Variants in DAB1 observed in about 807,000 individuals in gnomAD.
The protein encoded by DAB1 is DAB adaptor protein 1, also known as disabled homolog 1.
Under a neutral mutation model 64.6 loss-of-function variants are expected in DAB1, and 15 were observed. The ratio of observed to expected loss-of-function variants is 0.23; its 90% CI spans 0.16 to 0.36. DAB1 has a LOEUF of 0.36. Among genes scored for constraint, DAB1 ranks in the 10% least tolerant of loss-of-function variants. DAB1 has a pLI of 1.00. For missense variants in DAB1, 596 were observed against 706.7 expected (o/e 0.84, Z 1.78); for synonymous variants, 235 against 251.9 (o/e 0.93, Z 0.64).
chr1:57,545,899 A>G (rs1644851016), intron 7 of DAB1, among the ~76,000 whole-genome samples: 1 of 152,200 alleles, frequency 6.6e-6, no homozygotes, highest in Non-Finnish European at 1.5e-5. Flanking sequence ...ATATTTGTAT[A>G]AACCTAGAGG....
At chr1:58,520,727 A>G (rs771227692) in intron 2 of DAB1, among the ~76,000 whole-genome samples, 2 of 152,216 alleles carry the variant, frequency 1.3e-5, no homozygotes, top group Non-Finnish European at 2.9e-5. Flanking sequence ...CAGTGATTTT[A>G]TTGCAAGAAA....
intron 3 of DAB1, among the ~76,000 whole-genome samples, chr1:58,398,998 T>G (rs338920): frequency 0.067 from 10,197 of 152,152 alleles, 450 homozygotes; most frequent in South Asian, 0.1. Context: ...CTTAGTAAAA[T>G]AAGGAGAAAG....
At chr1:58,220,239 A>G (rs535255495) in intron 4 of DAB1, among the ~76,000 whole-genome samples, 48 of 152,278 alleles carry the variant, frequency 3.2e-4, no homozygotes, top group Middle Eastern at 6.8e-3. Context: ...ACAGTGGGTA[A>G]TTCTCTATTT....
In DAB1 at chr1:58,266,993, G is replaced by A. The variant is rs1428629841; in HGVS notation, n.309+76359C>T. Among the ~76,000 whole-genome samples the A allele has an allele frequency of 2.6e-5, 4 of 152,316 alleles. No homozygotes were observed. In the East Asian group the frequency reaches 5.8e-4, roughly 22 times the overall value. ...CCAGCACTTTGGGAGGCTGAGGCAG[G>A]TGGATCACCTGAAGTCAGGAGTTCG... On this transcript the variant is annotated intron_variant and non_coding_transcript_variant, in intron 4 of 20. Coordinates refer to the DAB1 transcript ENST00000485760.
In DAB1 at chr1:58,059,709, C is replaced by T. The variant is rs79965243; in HGVS notation, n.387+90802G>A. Reference sequence around the variant, plus strand: ...GACACTTAAAAATAGCCAAATCCACCACATGGAGTGCTTTATATGCTTGCC... The same window carrying T: ...GACACTTAAAAATAGCCAAATCCACTACATGGAGTGCTTTATATGCTTGCC... On this transcript the variant is annotated intron_variant and non_coding_transcript_variant, in intron 5 of 20. Transcript: ENST00000485760. Among the ~76,000 whole-genome samples the T allele has an allele frequency of 5.5e-3, 845 of 152,346 alleles. 19 individuals are homozygous for T. In the East Asian group the frequency reaches 0.082, roughly 15 times the overall value.
intron 9 of DAB1, among the ~76,000 whole-genome samples, chr1:57,044,833 C>T (rs915495141): frequency 3.3e-5 from 5 of 152,172 alleles, no homozygotes; most frequent in Admixed American, 6.5e-5. Context: ...ATTAAGACCT[C>T]CTCTCTTCTT....
chr1:58,211,538 C>A (rs1285810772), intron 4 of DAB1, among the ~76,000 whole-genome samples: 2 of 152,024 alleles, frequency 1.3e-5, no homozygotes, highest in Non-Finnish European at 2.9e-5. Context: ...TTATTGCAAG[C>A]AAACAAATGA....
intron 4 of DAB1, among the ~76,000 whole-genome samples, chr1:58,181,962 C>T (rs990100414): frequency 2.0e-5 from 3 of 152,000 alleles, no homozygotes; most frequent in Non-Finnish European, 2.9e-5. Flanking sequence ...ACTTTCTTTA[C>T]TCTTTCTCGT....
At chr1:57,381,115 G>A (rs1490641774) in intron 1 of DAB1, among the ~76,000 whole-genome samples, 1 of 152,080 alleles carries the variant, frequency 6.6e-6, no homozygotes, top group Admixed American at 6.6e-5. Context: ...TACATGGCAG[G>A]CTAATCACCT....
intron 4 of DAB1, among the ~76,000 whole-genome samples, chr1:58,300,610 A>AAGAAAG (rs1271283598): frequency 4.3e-5 from 2 of 47,006 alleles, no homozygotes; most frequent in African/African-American, 6.8e-5. Context: ...GAAAGAAAGA[A>AAGAAAG]AGAGAGAGAG....
intron 6 of DAB1, among the ~76,000 whole-genome samples, chr1:57,809,938 A>G (rs898790226): frequency 1.3e-5 from 2 of 152,186 alleles, no homozygotes; most frequent in Admixed American, 6.5e-5. Context: ...CTGAAGGTCC[A>G]GCTAATCAGA....
At chr1:57,460,897 A>G (rs1387300404) in intron 7 of DAB1, among the ~76,000 whole-genome samples, 1 of 152,026 alleles carries the variant, frequency 6.6e-6, no homozygotes, top group Non-Finnish European at 1.5e-5. Flanking sequence ...GATTTTTTTA[A>G]ATTTAATTTT....
chr1:58,232,053 T>C (rs1168950166), intron 4 of DAB1, among the ~76,000 whole-genome samples: 2 of 152,188 alleles, frequency 1.3e-5, no homozygotes, highest in Admixed American at 1.3e-4. Context: ...GTTTTTCTGT[T>C]TTTTAACTAA....
chr1:58,337,156 C>T (rs981025940), intron 4 of DAB1, among the ~76,000 whole-genome samples: 12 of 152,018 alleles, frequency 7.9e-5, no homozygotes, highest in Admixed American at 7.2e-4. Context: ...GCGATGCGGG[C>T]CTGTAATCCC....
At chr1:58,295,533 C>T (rs1269097450) in intron 4 of DAB1, among the ~76,000 whole-genome samples, 3 of 152,146 alleles carry the variant, frequency 2.0e-5, no homozygotes, top group African/African-American at 7.2e-5. Flanking sequence ...TGACCACCTC[C>T]TCTCCCCTCA....
At chr1:58,172,345 G>A (rs934195124) in intron 4 of DAB1, among the ~76,000 whole-genome samples, 6 of 152,166 alleles carry the variant, frequency 3.9e-5, no homozygotes, top group Non-Finnish European at 5.9e-5. Context: ...TACTGTTTAC[G>A]GGTAGTTGTG....
chr1:57,742,552 A>G (rs986442698), intron 6 of DAB1, among the ~76,000 whole-genome samples: 2 of 152,016 alleles, frequency 1.3e-5, no homozygotes, highest in African/African-American at 2.4e-5. Context: ...GCCCCAAGCT[A>G]GGAACCTGGT....
chr1:58,401,665 A>G (rs189700198), intron 3 of DAB1, among the ~76,000 whole-genome samples: 115 of 152,346 alleles, frequency 7.5e-4, no homozygotes, highest in African/African-American at 2.7e-3. Context: ...CGCCTGGTAC[A>G]TAGAAGAAAA....
chr1:58,505,975 T>A lies in DAB1; in HGVS notation n.257+85A>T, dbSNP rs973589285. On this transcript the variant is annotated intron_variant and non_coding_transcript_variant, in intron 3 of 20. Coordinates refer to the DAB1 transcript ENST00000485760. ...CAAAATAGTTAATAGGCTAGAACTC[T>A]CTTTTACTAAGCAAAAGAAGTGACA... 7 of 734,568 alleles carry A rather than the reference T, an allele frequency of 9.5e-6. No homozygotes were observed. In the African/African-American group the frequency reaches 1.2e-4, roughly 13 times the overall value. The allele number at this position is 734,568 out of a possible 1,614,324, so 45.5% of individuals were successfully genotyped here. A position where few individuals can be genotyped will look rare whatever the true frequency, so the allele number is the denominator to read the frequency against.
Sources: allele counts gnomAD v4.1 joint callset (sites outside exome capture counted in the v4.1 genomes callset), GRCh38; gene constraint gnomAD v4.1.1; transcripts MANE v1.5; gene names NCBI Gene and HGNC (gene_info 2026-07-23, HGNC 2026-07-21).